KCNIP4: variants seen among roughly 807,000 people sequenced by gnomAD.
KCNIP4 encodes Kv channel-interacting protein 4.
A neutral mutation model predicts 34.0 loss-of-function variants in KCNIP4; 12 were observed. The observed-to-expected ratio is 0.35, with a 90% CI of 0.23 to 0.57. KCNIP4 has a LOEUF of 0.57. Ranked by LOEUF, KCNIP4 falls within the 20% of genes least tolerant of loss-of-function variation. KCNIP4 has a pLI of 0.83. For missense variants in KCNIP4, 238 were observed against 311.7 expected, an observed-to-expected ratio of 0.76 and a Z score of 1.78; for synonymous variants, 124 against 102.2, an observed-to-expected ratio of 1.21 and a Z score of -1.29.
rs183787703 is a variant in KCNIP4, at chr4:21,928,999, A to T, written c.61+19572T>A. Among the ~76,000 whole-genome samples the T allele has an allele frequency of 3.5e-4, 54 of 152,272 alleles. No individual in the cohort carries two copies. In the South Asian group the frequency reaches 7.0e-3, roughly 20 times the overall value. ...CTCTTAGAGAGACATATACAGCAAT[A>T]AAGTATTGCACAAATAGTATTCAGC... On this transcript the variant is annotated intron_variant, in intron 1 of 8. Transcript: ENST00000382152.
At chr4:20,790,007 T>C (rs1218113314) in intron 3 of KCNIP4, among the ~76,000 whole-genome samples, 2 of 152,098 alleles carry the variant, frequency 1.3e-5, no homozygotes, top group Non-Finnish European at 2.9e-5. Flanking sequence ...GGTCATTAGG[T>C]GACTTCCATT....
At chr4:20,955,820 G>A (rs1428415939) in intron 1 of KCNIP4, among the ~76,000 whole-genome samples, 1 of 152,120 alleles carries the variant, frequency 6.6e-6, no homozygotes, top group Admixed American at 6.5e-5. Context: ...CTATGGGATG[G>A]CATTCAGTTC....
At chr4:21,724,888 C>A (rs1466574909) in intron 1 of KCNIP4, among the ~76,000 whole-genome samples, 1 of 152,014 alleles carries the variant, frequency 6.6e-6, no homozygotes, top group Admixed American at 6.6e-5. Flanking sequence ...CATACAGTAT[C>A]CAAAGGTCTT....
chr4:21,669,783 G>A (rs1175520801), intron 1 of KCNIP4, among the ~76,000 whole-genome samples: 1 of 152,088 alleles, frequency 6.6e-6, no homozygotes, highest in Non-Finnish European at 1.5e-5. Flanking sequence ...CTATTTGTTT[G>A]CTATGCACGA....
chr4:21,339,925 C>A (rs1716578861), intron 1 of KCNIP4, among the ~76,000 whole-genome samples: 1 of 152,142 alleles, frequency 6.6e-6, no homozygotes, highest in Non-Finnish European at 1.5e-5. Flanking sequence ...ACAGTTTCCT[C>A]TACTCTTGTA....
At chr4:21,703,120 T>C (rs1364711902) in intron 1 of KCNIP4, among the ~76,000 whole-genome samples, 1 of 151,768 alleles carries the variant, frequency 6.6e-6, no homozygotes, top group Non-Finnish European at 1.5e-5. Flanking sequence ...ATAAAGAACA[T>C]CTACAAAAAC....
At position 21,618,607 on chromosome 4, in the gene KCNIP4, C is replaced by CTTTTAT. The variant is rs1436067417; in HGVS notation, c.61+329963_61+329964insATAAAA. Among the ~76,000 whole-genome samples the CTTTTAT allele has an allele frequency of 1.2e-3, 155 of 125,062 alleles. 4 individuals are homozygous for CTTTTAT. In the South Asian group the frequency reaches 0.038, roughly 31 times the overall value. 82.0% of individuals were successfully genotyped at this position (125,062 alleles called of 152,430 possible). A position where few individuals can be genotyped will look rare whatever the true frequency, so the allele number is the denominator to read the frequency against. On this transcript the variant is annotated intron_variant, in intron 1 of 8. Transcript: ENST00000382152. Reference sequence around the variant, plus strand: ...CTCTCTGTTTGTATTTATATATTTTCTTTTCTTTTTCTTTTTCTTTTTCTT... The same window carrying CTTTTAT: ...CTCTCTGTTTGTATTTATATATTTTCTTTTATTTTTCTTTTTCTTTTTCTTTTTCTT...
At chr4:20,977,802 C>T (rs781081575) in intron 1 of KCNIP4, among the ~76,000 whole-genome samples, 3 of 152,188 alleles carry the variant, frequency 2.0e-5, no homozygotes, top group Non-Finnish European at 4.4e-5. Context: ...TCTCTCAACT[C>T]TTGAGATGTA....
chr4:21,415,565 G>C (rs1240854232), intron 1 of KCNIP4, among the ~76,000 whole-genome samples: 1 of 151,986 alleles, frequency 6.6e-6, no homozygotes, highest in South Asian at 2.1e-4. Flanking sequence ...AGCCAGGTGT[G>C]GTGGCGCACG....
At chr4:21,151,327 A>T (rs944873453) in intron 1 of KCNIP4, among the ~76,000 whole-genome samples, 5 of 151,286 alleles carry the variant, frequency 3.3e-5, no homozygotes, top group African/African-American at 1.2e-4. Flanking sequence ...CCACAATCAC[A>T]TCAGGCCTTT....
intron 1 of KCNIP4, among the ~76,000 whole-genome samples, chr4:21,038,971 G>A (rs763510180): frequency 6.6e-6 from 1 of 152,170 alleles, no homozygotes; most frequent in Non-Finnish European, 1.5e-5. Flanking sequence ...TCATTCTCAT[G>A]TTTTTGAGAG....
At chr4:21,204,635 C>A (rs1756718509) in intron 1 of KCNIP4, among the ~76,000 whole-genome samples, 1 of 152,082 alleles carries the variant, frequency 6.6e-6, no homozygotes, top group Non-Finnish European at 1.5e-5. Flanking sequence ...TAAATTCAAC[C>A]TCTGAGTCAG....
chr4:20,931,187 A>ACT (rs1388877429), intron 1 of KCNIP4, among the ~76,000 whole-genome samples: 1 of 151,706 alleles, frequency 6.6e-6, no homozygotes, highest in African/African-American at 2.4e-5. Context: ...ACACACACAC[A>ACT]CACACACACA....
intron 3 of KCNIP4, among the ~76,000 whole-genome samples, chr4:20,817,510 G>A (rs573650917): frequency 7.7e-4 from 117 of 152,158 alleles, no homozygotes; most frequent in South Asian, 4.6e-3. Flanking sequence ...TTAAATTCCT[G>A]AATCAAATAT....
At chr4:21,715,138 T>G (rs1229425389) in intron 1 of KCNIP4, among the ~76,000 whole-genome samples, 1 of 149,880 alleles carries the variant, frequency 6.7e-6, no homozygotes, top group Non-Finnish European at 1.5e-5. Context: ...TGGAGTGCAG[T>G]GGCCCCATCT....
intron 1 of KCNIP4, among the ~76,000 whole-genome samples, chr4:21,135,479 C>T (rs73245253): frequency 0.049 from 7,388 of 152,194 alleles, 258 homozygotes; most frequent in East Asian, 0.14. Flanking sequence ...AAACTAGTCA[C>T]CACTTTTTAG....
At chr4:21,679,510 C>T (rs1750177644) in intron 1 of KCNIP4, among the ~76,000 whole-genome samples, 1 of 152,156 alleles carries the variant, frequency 6.6e-6, no homozygotes, top group Non-Finnish European at 1.5e-5. Context: ...CAACTCCACA[C>T]CCATGGCCAG....
intron 1 of KCNIP4, among the ~76,000 whole-genome samples, chr4:21,891,912 G>C (rs1175576147): frequency 1.3e-5 from 2 of 152,044 alleles, no homozygotes; most frequent in Admixed American, 6.6e-5. Context: ...GAACGGTTTT[G>C]ATTAATTGAG....
At chr4:21,047,871 T>G (rs1340264967) in intron 1 of KCNIP4, among the ~76,000 whole-genome samples, 1 of 152,216 alleles carries the variant, frequency 6.6e-6, no homozygotes, top group Admixed American at 6.5e-5. Context: ...CATTCTCCTT[T>G]AAAGCTCATC....
Sources: allele counts gnomAD v4.1 joint callset (sites outside exome capture counted in the v4.1 genomes callset), GRCh38; gene constraint gnomAD v4.1.1; transcripts MANE v1.5; gene names NCBI Gene and HGNC (gene_info 2026-07-23, HGNC 2026-07-21).